The following PLCE1 variants were observed in gnomAD, a reference collection of about 807,000 sequenced individuals.
PLCE1 encodes the protein 1-phosphatidylinositol 4,5-bisphosphate phosphodiesterase epsilon-1.
In PLCE1, 119 loss-of-function variants were observed where a neutral mutation model predicts 242.8. The ratio of observed to expected loss-of-function variants is 0.49; its 90% CI spans 0.42 to 0.57. The LOEUF (loss-of-function observed/expected upper bound fraction) is 0.57, where lower values mean the gene tolerates loss of function less well. PLCE1 is among the 20% of genes least tolerant of loss of function. PLCE1 has a pLI of 0.00. For synonymous variants in PLCE1, 945 were observed against 1,017.4 expected (o/e 0.93, Z 1.35); for missense variants, 2,441 against 2,788.8 (o/e 0.88, Z 2.81).
intron 2 of PLCE1, among the ~76,000 whole-genome samples, chr10:94,127,136 A>G (rs1056841351): frequency 2.0e-5 from 3 of 152,226 alleles, no homozygotes; most frequent in Admixed American, 1.3e-4. Flanking sequence ...AATACTTATT[A>G]TGGTTCCAAA....
rs542246398 is a variant in PLCE1 at position 94,239,829 on chromosome 10, C to T, written c.2420+3709C>T. On this transcript the variant is annotated intron_variant, in intron 7 of 32. Transcript: ENST00000371380. ...AGGATTAACCACACACACACACGTA[C>T]GCATGTGGATGCCCCAAATCATAAA... is the stretch of plus-strand genomic sequence containing the variant. Among the ~76,000 whole-genome samples the T allele has an allele frequency of 5.6e-4, 85 of 152,294 alleles. 1 individual carries two copies. Among genetic ancestry groups the T allele is most frequent in the African/African-American group, 1.9e-3 (80 of 41,560 alleles).
In PLCE1 at chr10:94,191,638, C is replaced by G. The variant is rs190901046; in HGVS notation, c.1809+20142C>G. Among the ~76,000 whole-genome samples, 58 of 151,256 alleles carry G rather than the reference C, an allele frequency of 3.8e-4. No homozygotes were observed. The Middle Eastern group carries it at 0.017, about 44-fold the overall frequency. ...CCTGGGGAACAGAGTGAGACCCTTT[C>G]TCAGAAAAAAAAAGTGGGGGATAAG... On this transcript the variant is annotated intron_variant, in intron 4 of 32. Coordinates refer to ENST00000371380, the MANE Select transcript of PLCE1 (RefSeq NM_016341.4).
intron 4 of PLCE1, among the ~76,000 whole-genome samples, chr10:94,179,071 C>G (rs1326351212): frequency 6.6e-6 from 1 of 152,158 alleles, no homozygotes; most frequent in Non-Finnish European, 1.5e-5. Flanking sequence ...TCAAATTTTT[C>G]CTTGACAAAG....
chr10:94,174,339 TAGAA>T (rs1270083593), intron 4 of PLCE1, among the ~76,000 whole-genome samples: 1 of 152,134 alleles, frequency 6.6e-6, no homozygotes, highest in Non-Finnish European at 1.5e-5. Flanking sequence ...TTAATAAATG[TAGAA>T]AGAATGAGAA....
At chr10:94,163,503 T>G (rs945497881) in intron 3 of PLCE1, among the ~76,000 whole-genome samples, 33 of 152,166 alleles carry the variant, frequency 2.2e-4, no homozygotes, top group South Asian at 4.1e-4. Context: ...GTTTTCCATT[T>G]GCTTGGTAGA....
At chr10:94,014,551 G>C (rs957804758) in intron 1 of PLCE1, among the ~76,000 whole-genome samples, 4 of 152,006 alleles carry the variant, frequency 2.6e-5, no homozygotes, top group Non-Finnish European at 5.9e-5. Flanking sequence ...GTGGCATTAA[G>C]TACATTTACA....
intron 3 of PLCE1, among the ~76,000 whole-genome samples, chr10:94,137,373 T>C (rs1209039195): frequency 6.6e-6 from 1 of 152,140 alleles, no homozygotes; most frequent in African/African-American, 2.4e-5. Context: ...ATGTTTTACC[T>C]ACTGAAAATT....
At chr10:94,134,448 G>C (rs150684111) in intron 3 of PLCE1, among the ~76,000 whole-genome samples, 1 of 152,088 alleles carries the variant, frequency 6.6e-6, no homozygotes, top group Non-Finnish European at 1.5e-5. Context: ...ACAATCAGTG[G>C]AATAAAATGG....
At chr10:94,141,129 T>C (rs1405821948) in intron 3 of PLCE1, among the ~76,000 whole-genome samples, 1 of 152,226 alleles carries the variant, frequency 6.6e-6, no homozygotes, top group African/African-American at 2.4e-5. Flanking sequence ...GAGTAGGTCA[T>C]AGGGCCAGGA....
rs559300385 is a variant in PLCE1 at position 94,171,340 on chromosome 10, G to C, written c.1653G>C (p.Leu551Phe). 78 of 1,614,168 alleles carry C rather than the reference G, an allele frequency of 4.8e-5. 1 individual carries two copies. In the East Asian group the frequency reaches 1.6e-3, roughly 32 times the overall value. ...EQEQTIYRRV[L>F]PVDYLCFLTR... ...AGCAGACTATTTACCGCAGGGTCTT[G>C]CCAGTCGACTACCTTTGCTTCTTAA... Residue 551 changes from leucine to phenylalanine, a missense_variant, in exon 4 of 33, where the codon TTG becomes TTC. Transcript: ENST00000371380.
At chr10:94,069,080 G>A (rs1261080110) in intron 2 of PLCE1, among the ~76,000 whole-genome samples, 1 of 152,202 alleles carries the variant, frequency 6.6e-6, no homozygotes, top group African/African-American at 2.4e-5. Context: ...GGTTGAGAAG[G>A]CTGCAACTCA....
chr10:94,259,877 G>A (rs1027400273), intron 13 of PLCE1, among the ~76,000 whole-genome samples: 11 of 152,196 alleles, frequency 7.2e-5, no homozygotes, highest in South Asian at 2.1e-4. Context: ...GATGAAAGGC[G>A]TGTCTCACAT....
intron 1 of PLCE1, among the ~76,000 whole-genome samples, chr10:94,030,306 T>TTCCC (rs2061531384): frequency 6.6e-6 from 1 of 151,880 alleles, no homozygotes; most frequent in African/African-American, 2.4e-5. Flanking sequence ...TTTCCCTTCC[T>TTCCC]TGCCTTGTTG....
rs1250167842 is a variant in PLCE1, at chr10:94,230,285, T to C, written c.1955+2834T>C. 2.0e-5 allele frequency among the ~76,000 whole-genome samples: 3 copies of C among 152,164 alleles called. No individual in the cohort carries two copies. In the East Asian group the frequency reaches 5.8e-4, roughly 29 times the overall value. ...AAGGAAATAATATGCTATATCCAGG[T>C]AATGGAATATTATATAGCCATCAAA... On this transcript the variant is annotated intron_variant, in intron 5 of 32. Transcript: ENST00000371380.
intron 2 of PLCE1, among the ~76,000 whole-genome samples, chr10:94,071,690 G>A (rs1052172489): frequency 6.6e-6 from 1 of 151,590 alleles, no homozygotes; most frequent in Non-Finnish European, 1.5e-5. Flanking sequence ...GTAGAGATGA[G>A]CTCTTTCTGT....
At chr10:94,142,680 A>G (rs1479501178) in intron 3 of PLCE1, among the ~76,000 whole-genome samples, 1 of 152,246 alleles carries the variant, frequency 6.6e-6, no homozygotes, top group African/African-American at 2.4e-5. Context: ...TTGAAATGCC[A>G]GCATTCCACT....
At chr10:94,177,057 C>A (rs769155108) in intron 4 of PLCE1, among the ~76,000 whole-genome samples, 1 of 152,280 alleles carries the variant, frequency 6.6e-6, no homozygotes, top group African/African-American at 2.4e-5. Context: ...CCCAGAACCA[C>A]GCTTATGAGC....
At chr10:94,111,116 G>A (rs997416090) in intron 2 of PLCE1, among the ~76,000 whole-genome samples, 1 of 152,184 alleles carries the variant, frequency 6.6e-6, no homozygotes, top group Admixed American at 6.5e-5. Context: ...AGGTGGCAGT[G>A]GGTATTCAGT....
At chr10:94,282,049 T>C (rs1303289220) in intron 20 of PLCE1, among the ~76,000 whole-genome samples, 2 of 150,088 alleles carry the variant, frequency 1.3e-5, no homozygotes, top group African/African-American at 4.9e-5. Context: ...AGCTATCACC[T>C]CTGAAAAATA....
Sources: allele counts gnomAD v4.1 joint callset (sites outside exome capture counted in the v4.1 genomes callset), GRCh38; gene constraint gnomAD v4.1.1; transcripts MANE v1.5; gene names NCBI Gene and HGNC (gene_info 2026-07-23, HGNC 2026-07-21).